ZBTB7C: variants seen among roughly 807,000 people sequenced by gnomAD.
ZBTB7C encodes zinc finger and BTB domain-containing protein 7C.
In ZBTB7C, 8 loss-of-function variants were observed where a neutral mutation model predicts 25.7. The ratio of observed to expected loss-of-function variants is 0.31; its 90% CI spans 0.18 to 0.56. The LOEUF is 0.56. Ranked by LOEUF, ZBTB7C falls within the 20% of genes least tolerant of loss-of-function variation. ZBTB7C has a pLI of 0.91. For synonymous variants in ZBTB7C, 394 were observed against 369.0 expected (o/e 1.07, Z -0.78); for missense variants, 824 against 855.2 (o/e 0.96, Z 0.46).
rs145409691 is a variant in ZBTB7C, at chr18:48,062,835, T to C, written c.-16-21712A>G. Among the ~76,000 whole-genome samples the C allele has an allele frequency of 1.8e-3, 271 of 152,304 alleles. 3 individuals carry two copies. Among genetic ancestry groups the C allele is most frequent in the African/African-American group, 5.1e-3 (210 of 41,564 alleles). ...ATGCTGAGGCACAGAGATGTCAAAG[T>C]GTCTACCTGGTTGTGGCAGAAAGCT... On this transcript the variant is annotated intron_variant, in intron 3 of 4. Coordinates refer to ENST00000590800, the MANE Select transcript of ZBTB7C (RefSeq NM_001318841.2).
intron 3 of ZBTB7C, among the ~76,000 whole-genome samples, chr18:48,082,612 A>G (rs548395727): frequency 5.9e-5 from 9 of 152,282 alleles, no homozygotes; most frequent in African/African-American, 2.2e-4. Context: ...ATTTTACCCC[A>G]GGGAAAGGGA....
intron 1 of ZBTB7C, among the ~76,000 whole-genome samples, chr18:48,405,787 C>G (rs1006224572): frequency 6.8e-6 from 1 of 146,932 alleles, no homozygotes; most frequent in African/African-American, 2.5e-5. Context: ...GGGTTCACTC[C>G]TGTACCCTCC....
intron 3 of ZBTB7C, among the ~76,000 whole-genome samples, chr18:48,087,332 G>A (rs115755162): frequency 6.6e-6 from 1 of 152,350 alleles, no homozygotes; most frequent in African/African-American, 2.4e-5. Context: ...TGAACACAGT[G>A]TTCCCTTAAA....
At position 48,395,461 on chromosome 18, in the gene ZBTB7C, A is replaced by ATGTGTGTGTGTG. The variant is rs71165324; in HGVS notation, c.-304+13753_-304+13764dup. Among the ~76,000 whole-genome samples, 39 of 83,576 alleles carry ATGTGTGTGTGTG rather than the reference A, an allele frequency of 4.7e-4. 2 individuals are homozygous for ATGTGTGTGTGTG. Among genetic ancestry groups the ATGTGTGTGTGTG allele is most frequent in the African/African-American group, 1.8e-3 (37 of 20,648 alleles). 54.8% of individuals were successfully genotyped at this position (83,576 alleles called of 152,430 possible). On this transcript the variant is annotated intron_variant, in intron 1 of 4. Coordinates refer to ENST00000590800, the MANE Select transcript of ZBTB7C (RefSeq NM_001318841.2). Reference sequence around the variant, plus strand: ...ATGTGTGCATGTGTGTTCTATTCAAATGTGTGTGTGTGTGTGTGTGTGTGT... The same window carrying ATGTGTGTGTGTG: ...ATGTGTGCATGTGTGTTCTATTCAAATGTGTGTGTGTGTGTGTGTGTGTGTGTGTGTGTGTGT...
chr18:48,141,793 G>A (rs1317193621), intron 3 of ZBTB7C, among the ~76,000 whole-genome samples: 1 of 152,146 alleles, frequency 6.6e-6, no homozygotes, highest in Non-Finnish European at 1.5e-5. Flanking sequence ...AAGGGAGGAG[G>A]GACATGCCAA....
In ZBTB7C at chr18:48,335,573, T is replaced by C. The variant is rs183782026; in HGVS notation, c.-79+2601A>G. ...AGAGAATGTCCCCAGGGATTCGTTA[T>C]AGACATTTCATAGTAAATCCTGATG... On this transcript the variant is annotated intron_variant, in intron 2 of 4. Transcript: ENST00000590800. 3.7e-4 allele frequency among the ~76,000 whole-genome samples: 57 copies of C among 152,270 alleles called. 4 individuals are homozygous for C. The highest frequency in any genetic ancestry group is 3.5e-3 in the East Asian group (18 of 5,176).
intron 3 of ZBTB7C, among the ~76,000 whole-genome samples, chr18:48,097,738 T>G (rs554740212): frequency 6.6e-6 from 1 of 152,204 alleles, no homozygotes. Flanking sequence ...TGCCCATAGC[T>G]TTCCCGGCTC....
intron 2 of ZBTB7C, among the ~76,000 whole-genome samples, chr18:48,270,511 C>T (rs573521943): frequency 2.7e-5 from 4 of 150,014 alleles, no homozygotes; most frequent in Admixed American, 6.6e-5. Flanking sequence ...CTGGCTAACA[C>T]GGTGAAACCC....
chr18:48,193,392 C>T (rs1330741483), intron 2 of ZBTB7C, among the ~76,000 whole-genome samples: 3 of 152,154 alleles, frequency 2.0e-5, no homozygotes, highest in African/African-American at 7.2e-5. Flanking sequence ...CCCCACACTC[C>T]CAACACCAGA....
intron 3 of ZBTB7C, among the ~76,000 whole-genome samples, chr18:48,113,230 T>G (rs1293776095): frequency 6.6e-6 from 1 of 152,218 alleles, no homozygotes; most frequent in Non-Finnish European, 1.5e-5. Flanking sequence ...CTAACTGCAG[T>G]AATCCCTTCT....
intron 1 of ZBTB7C, among the ~76,000 whole-genome samples, chr18:48,382,193 T>C (rs935860134): frequency 2.6e-5 from 4 of 152,194 alleles, no homozygotes; most frequent in African/African-American, 4.8e-5. Context: ...AATCAAGATG[T>C]AGCCATTTAC....
At chr18:48,386,633 T>C (rs1301525598) in intron 1 of ZBTB7C, among the ~76,000 whole-genome samples, 1 of 152,246 alleles carries the variant, frequency 6.6e-6, no homozygotes. Context: ...TGCAGCCATG[T>C]ATACAGATGT....
At chr18:48,140,806 CCCAGCCAAACCAT>C (rs1417445430) in intron 3 of ZBTB7C, among the ~76,000 whole-genome samples, 1 of 152,140 alleles carries the variant, frequency 6.6e-6, no homozygotes, top group Non-Finnish European at 1.5e-5. Flanking sequence ...CACCCGCGCC[CCCAGCCAAACCAT>C]CCATCAGCAA....
At chr18:48,099,201 G>A (rs7228349) in intron 3 of ZBTB7C, among the ~76,000 whole-genome samples, 112,061 of 152,154 alleles carry the variant, frequency 0.74, 42,058 homozygotes, top group African/African-American at 0.87. Context: ...TGCCTATAAA[G>A]TGCTTTATTA....
intron 2 of ZBTB7C, among the ~76,000 whole-genome samples, chr18:48,278,618 C>T (rs1448806570): frequency 1.3e-5 from 2 of 152,002 alleles, no homozygotes; most frequent in Non-Finnish European, 2.9e-5. Context: ...TTAGTAGAGA[C>T]AGGGTTTCAC....
At chr18:48,088,547 G>C (rs2038282636) in intron 3 of ZBTB7C, among the ~76,000 whole-genome samples, 1 of 152,238 alleles carries the variant, frequency 6.6e-6, no homozygotes, top group Non-Finnish European at 1.5e-5. Context: ...AAGGAAACTG[G>C]CCAGCCCTAG....
chr18:48,358,836 T>G (rs970857643), intron 1 of ZBTB7C, among the ~76,000 whole-genome samples: 6 of 152,204 alleles, frequency 3.9e-5, no homozygotes, highest in Admixed American at 3.9e-4. Context: ...GGGATGAACT[T>G]TATCTCAATA....
intron 3 of ZBTB7C, among the ~76,000 whole-genome samples, chr18:48,159,603 C>T (rs1244027296): frequency 1.3e-5 from 2 of 152,230 alleles, no homozygotes; most frequent in African/African-American, 4.8e-5. Context: ...AAGCTCAACT[C>T]TCCTAAGTTT....
chr18:48,144,289 A>T (rs1490187217), intron 3 of ZBTB7C, among the ~76,000 whole-genome samples: 11 of 151,238 alleles, frequency 7.3e-5, no homozygotes, highest in Admixed American at 5.3e-4. Context: ...AAAAAAAAAA[A>T]TTTTTTTTTT....
Sources: allele counts gnomAD v4.1 joint callset (sites outside exome capture counted in the v4.1 genomes callset), GRCh38; gene constraint gnomAD v4.1.1; transcripts MANE v1.5; gene names NCBI Gene and HGNC (gene_info 2026-07-23, HGNC 2026-07-21).